GABRB1: variants seen among roughly 807,000 people sequenced by gnomAD.
GABRB1 encodes the protein gamma-aminobutyric acid receptor subunit beta-1.
In GABRB1, 17 loss-of-function variants were observed where a neutral mutation model predicts 51.6. The observed-to-expected ratio is 0.33, with a 90% CI of 0.23 to 0.49. The LOEUF (loss-of-function observed/expected upper bound fraction) is 0.49, where lower values mean the gene tolerates loss of function less well. GABRB1 is among the 20% of genes least tolerant of loss of function. The pLI is 0.99. For synonymous variants in GABRB1, 247 were observed against 218.9 expected, an observed-to-expected ratio of 1.13 and a Z score of -1.14; for missense variants, 410 against 600.6, an observed-to-expected ratio of 0.68 and a Z score of 3.32.
At chr4:47,202,573 T>C (rs1719937297) in intron 4 of GABRB1, among the ~76,000 whole-genome samples, 1 of 152,136 alleles carries the variant, frequency 6.6e-6, no homozygotes, top group Non-Finnish European at 1.5e-5. Context: ...CTTTTAGTAG[T>C]CAACTGGTTC....
intron 5 of GABRB1, among the ~76,000 whole-genome samples, chr4:47,372,250 G>A (rs1278469699): frequency 6.6e-6 from 1 of 152,128 alleles, no homozygotes; most frequent in African/African-American, 2.4e-5. Flanking sequence ...TAGTTGTAGT[G>A]TGCAGTCTTA....
chr4:47,059,576 A>AT (rs1340922410), intron 3 of GABRB1, among the ~76,000 whole-genome samples: 1 of 152,150 alleles, frequency 6.6e-6, no homozygotes, highest in Non-Finnish European at 1.5e-5. Context: ...ACTTTTTAAT[A>AT]TTTTTATGTA....
chr4:47,126,557 T>G (rs981835959), intron 3 of GABRB1, among the ~76,000 whole-genome samples: 2 of 152,110 alleles, frequency 1.3e-5, no homozygotes, highest in Non-Finnish European at 2.9e-5. Context: ...ATTTATCAAG[T>G]ACACCTCAAC....
intron 3 of GABRB1, among the ~76,000 whole-genome samples, chr4:47,134,637 C>T (rs546702100): frequency 2.0e-5 from 3 of 152,228 alleles, no homozygotes; most frequent in Middle Eastern, 3.4e-3. Flanking sequence ...AATCATCTGT[C>T]AAATTTCTAG....
chr4:47,246,277 C>CAT (rs1160512931), intron 4 of GABRB1, among the ~76,000 whole-genome samples: 1,203 of 72,680 alleles, frequency 0.017, 53 homozygotes, highest in African/African-American at 0.019. Context: ...AGTATTCCAT[C>CAT]ATATATATAT....
intron 3 of GABRB1, among the ~76,000 whole-genome samples, chr4:47,107,631 T>C (rs899849286): frequency 1.3e-5 from 2 of 152,074 alleles, no homozygotes; most frequent in East Asian, 3.8e-4. Context: ...TTAAAGGTTG[T>C]TGTAGGAATA....
rs181429620 is a variant in GABRB1 at position 47,025,733 on chromosome 4, A to C, written c.-19-6181A>C. 2.6e-3 allele frequency among the ~76,000 whole-genome samples: 400 copies of C among 152,128 alleles called. 6 individuals carry two copies. The highest frequency in any genetic ancestry group is 9.4e-3 in the African/African-American group (391 of 41,546). ...AAGTTTTTTTCCCAAACAAATCCCC[A>C]GATTTCTTTTGCTAATCTTGTCTTG... On this transcript the variant is annotated intron_variant, in intron 1 of 3. Transcript: ENST00000513567.
intron 4 of GABRB1, among the ~76,000 whole-genome samples, chr4:47,190,123 C>T (rs561232721): frequency 2.0e-5 from 3 of 152,138 alleles, no homozygotes; most frequent in South Asian, 4.1e-4. Context: ...TATCTGACTC[C>T]CTTAATCTTC....
intron 4 of GABRB1, among the ~76,000 whole-genome samples, chr4:47,207,559 T>C (rs1004984506): frequency 6.6e-6 from 1 of 152,062 alleles, no homozygotes; most frequent in Non-Finnish European, 1.5e-5. Context: ...TAACTAGATA[T>C]TGACCAACGG....
At chr4:47,017,850 G>T (rs1724795704) in intron 1 of GABRB1, among the ~76,000 whole-genome samples, 1 of 152,132 alleles carries the variant, frequency 6.6e-6, no homozygotes, top group African/African-American at 2.4e-5. Context: ...AATATGGTTA[G>T]AAAACTTGTT....
At chr4:47,307,137 A>T (rs893062887) in intron 4 of GABRB1, among the ~76,000 whole-genome samples, 1 of 152,158 alleles carries the variant, frequency 6.6e-6, no homozygotes, top group Non-Finnish European at 1.5e-5. Context: ...GGCCAATCTC[A>T]GACAGCTAGA....
chr4:47,194,839 A>G (rs529313458), intron 4 of GABRB1, among the ~76,000 whole-genome samples: 1 of 152,338 alleles, frequency 6.6e-6, no homozygotes, highest in South Asian at 2.1e-4. Flanking sequence ...AGTTCCTTAA[A>G]TAGCCACAGT....
chr4:47,077,955 A>G (rs1727641804), intron 3 of GABRB1, among the ~76,000 whole-genome samples: 1 of 94,536 alleles, frequency 1.1e-5, no homozygotes, highest in African/African-American at 3.9e-5. Flanking sequence ...TATATTATAT[A>G]TTTTATATAT....
intron 3 of GABRB1, among the ~76,000 whole-genome samples, chr4:47,039,933 ATTTG>A (rs1725757636): frequency 6.6e-6 from 1 of 152,178 alleles, no homozygotes; most frequent in Non-Finnish European, 1.5e-5. Context: ...ATAAACATAT[ATTTG>A]TTTGTATATG....
At chr4:47,326,678 A>G (rs750028288) in intron 5 of GABRB1, among the ~76,000 whole-genome samples, 4 of 152,158 alleles carry the variant, frequency 2.6e-5, no homozygotes, top group Non-Finnish European at 5.9e-5. Context: ...CTTCCACCAT[A>G]TAAGGACACA....
At chr4:47,107,170 A>G (rs1259716756) in intron 3 of GABRB1, among the ~76,000 whole-genome samples, 1 of 152,110 alleles carries the variant, frequency 6.6e-6, no homozygotes, top group African/African-American at 2.4e-5. Context: ...TGGATCAAGG[A>G]CATCAGCTCA....
intron 3 of GABRB1, among the ~76,000 whole-genome samples, chr4:47,089,195 A>G (rs992200703): frequency 6.6e-6 from 1 of 152,194 alleles, no homozygotes; most frequent in African/African-American, 2.4e-5. Flanking sequence ...TCTAGTTTGC[A>G]GTCTGTTTTG....
intron 4 of GABRB1, among the ~76,000 whole-genome samples, chr4:47,175,264 C>A (rs1286831217): frequency 1.3e-5 from 2 of 150,902 alleles, no homozygotes; most frequent in African/African-American, 4.9e-5. Context: ...TCCTATGTTG[C>A]TCAGGCTTGT....
intron 3 of GABRB1, among the ~76,000 whole-genome samples, chr4:47,135,464 A>G (rs1246487307): frequency 6.6e-6 from 1 of 152,156 alleles, no homozygotes; most frequent in Non-Finnish European, 1.5e-5. Flanking sequence ...GCTTAGTCAA[A>G]GTGTGCCAAA....
Sources: gnomAD v4.1 joint callset for allele counts (sites outside exome capture counted in the v4.1 genomes callset) on GRCh38, gnomAD v4.1.1 for gene constraint, MANE v1.5 for transcripts, NCBI Gene and HGNC (gene_info 2026-07-23, HGNC 2026-07-21) for gene names.